SCAP: variants seen among roughly 807,000 people sequenced by gnomAD.
SCAP encodes sterol regulatory element-binding protein cleavage-activating protein.
In SCAP, 65 loss-of-function variants were observed where a neutral mutation model predicts 123.6. The observed-to-expected ratio is 0.53, with a 90% CI of 0.43 to 0.65. The LOEUF (loss-of-function observed/expected upper bound fraction) is 0.65. Among genes scored for constraint, SCAP ranks in the 30% least tolerant of loss-of-function variants. The probability of loss-of-function intolerance (pLI) is 0.00; values close to 1 mark genes in which losing one functional copy is unlikely to be tolerated. For synonymous variants in SCAP, 740 were observed against 726.3 expected (o/e 1.02, Z -0.30); for missense variants, 1,398 against 1,712.5 (o/e 0.82, Z 3.24).
intron 1 of SCAP, among the ~76,000 whole-genome samples, chr3:47,462,043 C>G (rs1707660735): frequency 6.6e-6 from 1 of 152,008 alleles, no homozygotes; most frequent in African/African-American, 2.4e-5. Context: ...CAAAAAAAAG[C>G]AATCTAGCAT....
At chr3:47,460,219 A>G (rs956879508) in intron 1 of SCAP, among the ~76,000 whole-genome samples, 2 of 152,220 alleles carry the variant, frequency 1.3e-5, no homozygotes, top group African/African-American at 4.8e-5. Context: ...TTGTACAGCT[A>G]ACACAATAGT....
chr3:47,443,752 C>G (rs1012921517), intron 1 of SCAP, among the ~76,000 whole-genome samples: 10 of 152,296 alleles, frequency 6.6e-5, no homozygotes, highest in African/African-American at 2.2e-4. Context: ...CTGCCCAGTA[C>G]CCGTCCCCTT....
intron 2 of SCAP, among the ~76,000 whole-genome samples, chr3:47,440,066 A>C (rs1706737300): frequency 6.6e-6 from 1 of 152,192 alleles, no homozygotes; most frequent in Non-Finnish European, 1.5e-5. Flanking sequence ...AGTGGTGGTG[A>C]GCCAGTGGTG....
chr3:47,455,950 C>G (rs1272848654), intron 1 of SCAP, among the ~76,000 whole-genome samples: 2 of 152,128 alleles, frequency 1.3e-5, no homozygotes, highest in Non-Finnish European at 2.9e-5. Context: ...TGTAACAGAA[C>G]AGAATGTCCA....
At chr3:47,444,281 C>T (rs1269888784) in intron 1 of SCAP, among the ~76,000 whole-genome samples, 3 of 152,154 alleles carry the variant, frequency 2.0e-5, no homozygotes, top group Non-Finnish European at 2.9e-5. Context: ...TGCCCAGACA[C>T]ATTTCTTGGC....
Position 47,414,097 on chromosome 3 carries a change from G to A in SCAP, c.3597C>T (p.Asp1199=), listed in dbSNP as rs17849133. The change falls in exon 23 of 23, where the codon GAC becomes GAT. Residue 1199 remains aspartate (D), a splice_region_variant and synonymous_variant. Transcript: ENST00000265565. ...TGIKFYSIQQ[D]LGCGASLGVI... is the part of the protein sequence containing the mutation. ...CACCCAAGCTTGCACCACAGCCCAG[G>A]TCCTGGAGGCAAGGACATGACAAGC... is the stretch of plus-strand genomic sequence containing the variant. 14 of 1,613,446 alleles carry A rather than the reference G, an allele frequency of 8.7e-6. No homozygotes were observed. In the East Asian group the frequency reaches 2.5e-4, roughly 28 times the overall value.
chr3:47,444,282 A>G (rs1022232315), intron 1 of SCAP, among the ~76,000 whole-genome samples: 2 of 152,140 alleles, frequency 1.3e-5, no homozygotes, highest in Non-Finnish European at 2.9e-5. Context: ...GCCCAGACAC[A>G]TTTCTTGGCT....
chr3:47,417,351 G>T lies in SCAP; in HGVS notation c.2923C>A (p.Leu975Met). 1 of 1,611,044 alleles carries T rather than the reference G, an allele frequency of 6.2e-7. No homozygotes were observed. Among genetic ancestry groups the T allele is most frequent in the Non-Finnish European group, 8.5e-7 (1 of 1,179,302 alleles). The change falls in exon 17 of 23, where the codon CTG becomes ATG. Residue 975 changes from leucine to methionine, a missense_variant. By Grantham distance (15) the Leu-to-Met change is conservative. This residue lies in a region of SCAP where 828 missense variants were observed against 882.5 expected (regional missense o/e 0.94). Transcript: ENST00000265565. ...CCCACCACGATGAGGTTGCCCTGCA[G>T]CTCCAAGCTCCAGATGGAACCCTCG... ...SAEGSIWSLE[L>M]QGNLIVVGRS... is the part of the protein sequence containing the mutation.
chr3:47,417,240 C>T, intron 17 of SCAP, 33 bp from the exon 18 acceptor site: 3 of 1,612,626 alleles, frequency 1.9e-6, no homozygotes, highest in Non-Finnish European at 2.5e-6. Context: ...CACCTGCCAG[C>T]CAGAAAGGCC....
chr3:47,466,781 T>C (rs1201951637), intron 1 of SCAP, among the ~76,000 whole-genome samples: 4 of 152,140 alleles, frequency 2.6e-5, no homozygotes, highest in Non-Finnish European at 4.4e-5. Flanking sequence ...TAAACTGGAA[T>C]TCATAAAAAT....
In SCAP at chr3:47,428,551, T is replaced by C. The variant is rs1706235225; in HGVS notation, c.372A>G (p.Gln124=). ...VFRSPLSRAF[Q]LVEEIRNHVL... is the part of the protein sequence containing the mutation. The stretch of plus-strand genomic sequence containing the variant: ...CGTGGTTCCGGATCTCCTCCACCAG[T>C]TGGAATGCCCGGGACAAAGGTGAAC... The change falls in exon 4 of 23, where the codon CAA becomes CAG. Residue 124 remains glutamine, a synonymous_variant. Coordinates refer to ENST00000265565, the MANE Select transcript of SCAP (RefSeq NM_012235.4). The C allele has an allele frequency of 1.9e-6, 3 of 1,614,118 alleles. No individual in the cohort carries two copies. The highest frequency in any genetic ancestry group is 1.3e-5 in the African/African-American group (1 of 75,008).
chr3:47,427,973 G>A (rs759591628), intron 4 of SCAP, among the ~76,000 whole-genome samples: 1 of 152,210 alleles, frequency 6.6e-6, no homozygotes, highest in Non-Finnish European at 1.5e-5. Flanking sequence ...TTCAGTGGAT[G>A]AGCAGGGACC....
intron 1 of SCAP, among the ~76,000 whole-genome samples, chr3:47,466,380 G>A (rs1707831275): frequency 6.6e-6 from 1 of 152,090 alleles, no homozygotes; most frequent in African/African-American, 2.4e-5. Flanking sequence ...TGATACCTGG[G>A]TGTTTCACAC....
At chr3:47,435,600 G>A (rs1706548180) in intron 2 of SCAP, among the ~76,000 whole-genome samples, 1 of 151,490 alleles carries the variant, frequency 6.6e-6, no homozygotes, top group Non-Finnish European at 1.5e-5. Flanking sequence ...GACCAGGCTG[G>A]TCTTAAAACT....
At chr3:47,456,251 A>T (rs1006950292) in intron 1 of SCAP, among the ~76,000 whole-genome samples, 3 of 152,004 alleles carry the variant, frequency 2.0e-5, no homozygotes, top group African/African-American at 4.8e-5. Context: ...AAAGTACAAA[A>T]ATTAGCTGGG....
chr3:47,419,566 G>A lies in SCAP; in HGVS notation c.1702C>T (p.Leu568=). The A allele has an allele frequency of 1.2e-6, 2 of 1,612,456 alleles. No individual in the cohort carries two copies. Among genetic ancestry groups the A allele is most frequent in the Non-Finnish European group, 1.7e-6 (2 of 1,179,012 alleles). The change falls in exon 13 of 23, where the codon CTG becomes TTG. Residue 568 remains leucine (L), a synonymous_variant. Transcript: ENST00000265565. This position sits in a 1 kb window ranked among gnomAD's most constrained non-coding sequence, Gnocchi z 5.0. The stretch of plus-strand genomic sequence containing the variant: ...GCAGGGTCCGGGTGGCTGGGGGGCA[G>A]CATGCCACTAGGCACGGGCATGGGA... ...LAPMPVPSGM[L]PPSHPDPAFS...
intron 3 of SCAP, chr3:47,429,105 A>C: frequency 6.0e-6 from 1 of 165,920 alleles, no homozygotes; most frequent in Admixed American, 5.7e-5. Flanking sequence ...CCTAGTATCC[A>C]CCCTCTAAAC....
intron 17 of SCAP, 33 bp downstream of exon 17, chr3:47,417,271 G>A (rs1264327114): frequency 6.2e-7 from 1 of 1,612,106 alleles, no homozygotes. Context: ...GGGGCGGACA[G>A]CCGCTCTGCC....
intron 1 of SCAP, among the ~76,000 whole-genome samples, chr3:47,448,114 A>G (rs1707121183): frequency 6.6e-6 from 1 of 151,610 alleles, no homozygotes; most frequent in African/African-American, 2.4e-5. Flanking sequence ...CTTCCAATCC[A>G]TGAACATGGT....
Sources: gnomAD v4.1 joint callset for allele counts (sites outside exome capture counted in the v4.1 genomes callset) on GRCh38, gnomAD v4.1.1 for gene constraint, gnomAD v4.1.1 regional missense constraint, Gnocchi (gnomAD v3.1) non-coding constraint, MANE v1.5 for transcripts, NCBI Gene and HGNC (gene_info 2026-07-23, HGNC 2026-07-21) for gene names.